The following CNIH3 variants were observed in gnomAD, a reference collection of about 807,000 sequenced individuals.
CNIH3 encodes the protein cornichon family AMPA receptor auxiliary protein 3, also known as protein cornichon homolog 3.
In CNIH3, 14 loss-of-function variants were observed where a neutral mutation model predicts 24.1. That is an observed-to-expected ratio of 0.58 (90% CI 0.38 to 0.91). The LOEUF (loss-of-function observed/expected upper bound fraction) is 0.91. CNIH3 is among the 40% of genes least tolerant of loss of function. The pLI, the probability that CNIH3 is intolerant of heterozygous loss-of-function variation, is 0.00. For synonymous variants in CNIH3, 68 were observed against 73.8 expected (o/e 0.92, Z 0.40); for missense variants, 178 against 196.8 (o/e 0.90, Z 0.57).
intron 3 of CNIH3, among the ~76,000 whole-genome samples, chr1:224,552,424 C>T (rs955107702): frequency 1.4e-4 from 21 of 149,908 alleles, no homozygotes; most frequent in African/African-American, 2.2e-4. Flanking sequence ...TATCAAAGGG[C>T]GTCCATCCAC....
chr1:224,510,637 T>C (rs537327506), intron 1 of CNIH3, among the ~76,000 whole-genome samples: 2 of 148,884 alleles, frequency 1.3e-5, no homozygotes, highest in African/African-American at 2.5e-5. Flanking sequence ...AAGAAAGAAC[T>C]AGAACCATAT....
At chr1:224,651,668 C>T (rs984266070) in intron 1 of CNIH3, among the ~76,000 whole-genome samples, 2 of 152,144 alleles carry the variant, frequency 1.3e-5, no homozygotes, top group Non-Finnish European at 2.9e-5. Context: ...CTGAGTTAAT[C>T]GGTAAAGGTC....
intron 3 of CNIH3, chr1:224,565,288 TCA>T (rs1365696784): frequency 2.0e-5 from 3 of 152,254 alleles, no homozygotes; most frequent in Non-Finnish European, 4.4e-5. Flanking sequence ...CACTGTCCTG[TCA>T]CAGCCATATT....
rs185206672 is a variant in CNIH3, at chr1:224,695,661, G to A, written c.198+10818G>A. ...TAATTCCTCACATTCATAGGAGTCC[G>A]TTATTTTCCATAACTTTACAGAGCT... On this transcript the variant is annotated intron_variant, in intron 3 of 5. Transcript: ENST00000272133. Among the ~76,000 whole-genome samples the A allele has an allele frequency of 2.2e-4, 34 of 152,278 alleles. 1 individual carries two copies. The East Asian group carries it at 5.4e-3, about 24-fold the overall frequency.
At chr1:224,489,159 A>T (rs1042431397) in intron 1 of CNIH3, among the ~76,000 whole-genome samples, 2 of 151,766 alleles carry the variant, frequency 1.3e-5, no homozygotes, top group Non-Finnish European at 2.9e-5. Context: ...AATGGTAGGC[A>T]GTTAACTTGG....
At chr1:224,614,896 C>G (rs1682873080), upstream of CNIH3, among the ~76,000 whole-genome samples, 1 of 151,668 alleles carries the variant, frequency 6.6e-6, no homozygotes, top group African/African-American at 2.4e-5. Context: ...GCAGAGATCA[C>G]GCCACTGCAC....
intron 1 of CNIH3, among the ~76,000 whole-genome samples, chr1:224,638,291 A>G (rs1220398719): frequency 6.6e-6 from 1 of 152,200 alleles, no homozygotes; most frequent in Non-Finnish European, 1.5e-5. Context: ...GTTGAACACC[A>G]TGGGGAGATT....
chr1:224,706,576 T>C (rs891297411), intron 3 of CNIH3, among the ~76,000 whole-genome samples: 3 of 152,230 alleles, frequency 2.0e-5, no homozygotes, highest in African/African-American at 7.2e-5. Flanking sequence ...AAACTGGATT[T>C]GTCTGCCCCC....
chr1:224,518,338 T>C (rs1368297620), intron 1 of CNIH3, among the ~76,000 whole-genome samples: 2 of 152,162 alleles, frequency 1.3e-5, no homozygotes, highest in African/African-American at 4.8e-5. Context: ...TATTTTTATT[T>C]ATTTAGTTTT....
At chr1:224,526,378 AG>A (rs1678847409) in intron 2 of CNIH3, among the ~76,000 whole-genome samples, 2 of 152,192 alleles carry the variant, frequency 1.3e-5, no homozygotes, top group Admixed American at 6.5e-5. Context: ...AAAAGACTGA[AG>A]GGAGCTTTTT....
At chr1:224,694,934 G>T (rs1687092092) in intron 3 of CNIH3, among the ~76,000 whole-genome samples, 1 of 152,040 alleles carries the variant, frequency 6.6e-6, no homozygotes, top group South Asian at 2.1e-4. Context: ...TGGGGATTTT[G>T]GGGGAAAGGT....
chr1:224,577,846 G>T (rs1443706298), intron 4 of CNIH3, among the ~76,000 whole-genome samples: 1 of 152,088 alleles, frequency 6.6e-6, no homozygotes. Context: ...AATGGATAAA[G>T]AAAATGTGGT....
intron 1 of CNIH3, among the ~76,000 whole-genome samples, chr1:224,488,469 G>GT (rs1553257574): frequency 7.2e-6 from 1 of 139,846 alleles, no homozygotes; most frequent in Non-Finnish European, 1.5e-5. Flanking sequence ...TTTTTTTTGG[G>GT]GGGTGGGGGG....
At chr1:224,470,300 G>A (rs1676319430) in intron 1 of CNIH3, among the ~76,000 whole-genome samples, 1 of 150,948 alleles carries the variant, frequency 6.6e-6, no homozygotes, top group Non-Finnish European at 1.5e-5. Context: ...TTACAGGCAT[G>A]AGCCACTGTG....
chr1:224,733,938 G>A (rs181497018), intron 4 of CNIH3, among the ~76,000 whole-genome samples: 8 of 152,154 alleles, frequency 5.3e-5, no homozygotes, highest in South Asian at 2.1e-4. Context: ...CCTTGGGAAC[G>A]TAGTATTTTG....
At chr1:224,599,489 C>CT (rs1682121669) in intron 3 of CNIH3, among the ~76,000 whole-genome samples, 2 of 151,944 alleles carry the variant, frequency 1.3e-5, no homozygotes, top group South Asian at 4.1e-4. Flanking sequence ...CTCATTATGC[C>CT]TTTTACATAA....
intron 1 of CNIH3, among the ~76,000 whole-genome samples, chr1:224,480,023 G>A (rs565734272): frequency 1.4e-4 from 22 of 152,252 alleles, no homozygotes; most frequent in Non-Finnish European, 3.1e-4. Flanking sequence ...GGTTCTCTAT[G>A]AGGGCCCTGT....
At chr1:224,695,191 G>GAGC (rs1220385169) in intron 3 of CNIH3, among the ~76,000 whole-genome samples, 1 of 152,180 alleles carries the variant, frequency 6.6e-6, no homozygotes, top group East Asian at 1.9e-4. Flanking sequence ...CAGAAAGACT[G>GAGC]AGCTCTCCTG....
chr1:224,510,596 C>CAAAAAAAAAAAAAAA (rs777592587), intron 1 of CNIH3, among the ~76,000 whole-genome samples: 5 of 93,970 alleles, frequency 5.3e-5, no homozygotes, highest in Non-Finnish European at 7.6e-5. Flanking sequence ...GACCCTGTCT[C>CAAAAAAAAAAAAAAA]AAAAAAAAAA....
Sources: gnomAD v4.1 joint callset for allele counts (sites outside exome capture counted in the v4.1 genomes callset) on GRCh38, gnomAD v4.1.1 for gene constraint, MANE v1.5 for transcripts, NCBI Gene and HGNC (gene_info 2026-07-23, HGNC 2026-07-21) for gene names.